The following TUB variants were observed in gnomAD, a reference collection of about 807,000 sequenced individuals.
The protein encoded by TUB is tubby protein homolog.
In TUB, 33 loss-of-function variants were observed where a neutral mutation model predicts 59.7. The ratio of observed to expected loss-of-function variants is 0.55; its 90% CI spans 0.42 to 0.74. The LOEUF (loss-of-function observed/expected upper bound fraction) is 0.74, where lower values mean the gene tolerates loss of function less well. Among genes scored for constraint, TUB ranks in the 30% least tolerant of loss-of-function variants. The probability of loss-of-function intolerance (pLI) is 0.00; values close to 1 mark genes in which losing one functional copy is unlikely to be tolerated. For missense variants in TUB, 659 were observed against 672.0 expected (o/e 0.98, Z 0.21); for synonymous variants, 293 against 256.4 (o/e 1.14, Z -1.36).
chr11:8,090,191 G>A lies in TUB; in HGVS notation c.213G>A (p.Val71=). ...ARQSEEQAPL[V]ESYLSSSGST... is the part of the protein sequence containing the mutation. ...AGTCAGAGGAACAAGCCCCCCTGGT[G>A]GAGTCCTACCTCAGCAGCAGTGGCA... Residue 71 remains valine, a synonymous_variant, in exon 3 of 12, where the codon GTG becomes GTA. Coordinates refer to ENST00000299506, the MANE Select transcript of TUB (RefSeq NM_177972.3). 6.2e-7 allele frequency: 1 copy of A among 1,613,818 alleles called. No homozygotes were observed. The highest frequency in any genetic ancestry group is 8.5e-7 in the Non-Finnish European group (1 of 1,179,984).
At chr11:8,071,407 C>A (rs1487866023) in intron 2 of TUB, among the ~76,000 whole-genome samples, 1 of 152,054 alleles carries the variant, frequency 6.6e-6, no homozygotes, top group Non-Finnish European at 1.5e-5. Flanking sequence ...TAATCCAACC[C>A]CCTCATCTTA....
chr11:8,100,441 C>T (rs1035843730), intron 9 of TUB, 62 bp from the exon 10 acceptor site: 7 of 1,330,294 alleles, frequency 5.3e-6, no homozygotes, highest in South Asian at 1.2e-5. Context: ...TCCCGTCCCC[C>T]CCACCTTCTC....
intron 1 of TUB, among the ~76,000 whole-genome samples, chr11:8,025,632 T>C (rs1424683792): frequency 3.3e-5 from 5 of 152,242 alleles, no homozygotes; most frequent in Non-Finnish European, 7.3e-5. Flanking sequence ...TGTGATATTC[T>C]TCAATACTGT....
chr11:8,066,740 T>C (rs184797406), intron 2 of TUB, among the ~76,000 whole-genome samples: 2 of 152,254 alleles, frequency 1.3e-5, no homozygotes, highest in East Asian at 3.9e-4. Context: ...AGAGGTGTAA[T>C]AACTGCGGGT....
upstream of TUB, among the ~76,000 whole-genome samples, chr11:8,034,414 C>A (rs1942618442): frequency 6.6e-6 from 1 of 152,116 alleles, no homozygotes; most frequent in Admixed American, 6.5e-5. Flanking sequence ...ATTGTGTTGG[C>A]AGAGTCCAGG....
intron 10 of TUB, 111 bp from the exon 11 acceptor site, chr11:8,100,715 C>A: frequency 6.5e-7 from 1 of 1,544,582 alleles, no homozygotes; most frequent in Non-Finnish European, 8.9e-7. Flanking sequence ...TGTGAGAAAG[C>A]CCTGGAGGTC....
At position 8,102,027 on chromosome 11, in the gene TUB, C is replaced by T. The variant is rs1246995155; in HGVS notation, c.*408C>T. 5.0e-6 allele frequency: 1 copy of T among 201,804 alleles called. No individual in the cohort carries two copies. Among genetic ancestry groups the T allele is most frequent in the East Asian group, 1.2e-4 (1 of 8,108 alleles). 12.5% of individuals were successfully genotyped at this position (201,804 alleles called of 1,614,324 possible). ...TCCGCTCAGCCAAGGAGTCAGATGG[C>T]AATGGGTACTCCAGCAGGTAGGGGC... On this transcript the variant is annotated 3_prime_UTR_variant, in exon 12 of 12. Transcript: ENST00000299506.
In TUB at chr11:8,070,318, CTTCTT is replaced by C. The variant is rs369935911; in HGVS notation, c.204-19290_204-19286del. ...ATAAATCTCAGTTGCATTTTATAAT[CTTCTT>C]TATATGAATCACAAATCAGTCTCAT... On this transcript the variant is annotated intron_variant, in intron 2 of 12. Coordinates refer to the TUB transcript ENST00000305253. Among the ~76,000 whole-genome samples the C allele has an allele frequency of 8.8e-3, 1,334 of 152,226 alleles. 25 individuals carry two copies. Among genetic ancestry groups the C allele is most frequent in the African/African-American group, 0.03 (1,242 of 41,524 alleles).
At chr11:8,042,215 T>C (rs1371024458) in intron 2 of TUB, among the ~76,000 whole-genome samples, 1 of 152,148 alleles carries the variant, frequency 6.6e-6, no homozygotes, top group Admixed American at 6.5e-5. Flanking sequence ...TTCATGTAAA[T>C]GGAATCACAT....
At position 8,095,624 on chromosome 11, in the gene TUB, G is replaced by A. The variant is rs756044431; in HGVS notation, c.524G>A (p.Arg175Gln). The change falls in exon 5 of 12, where the codon CGG becomes CAG. Residue 175 changes from arginine (R) to glutamine (Q), a missense_variant. Coordinates refer to ENST00000299506, the MANE Select transcript of TUB (RefSeq NM_177972.3). Reference protein sequence around the residue: ...AGETAAGGGERPSGQDLRATM... With the variant: ...AGETAAGGGEQPSGQDLRATM... ...GAGACGGCAGCTGGTGGGGGCGAAC[G>A]GCCCAGCGGGCAGGATCTCCGTGCC... 1.7e-5 allele frequency: 28 copies of A among 1,609,792 alleles called. No individual in the cohort carries two copies. Among genetic ancestry groups the A allele is most frequent in the Middle Eastern group, 3.3e-4 (2 of 6,074 alleles).
intron 2 of TUB, among the ~76,000 whole-genome samples, chr11:8,046,502 C>A (rs1207556660): frequency 6.6e-6 from 1 of 152,204 alleles, no homozygotes; most frequent in Non-Finnish European, 1.5e-5. Context: ...AACCCAGCCC[C>A]AAATCTTAAA....
intron 2 of TUB, among the ~76,000 whole-genome samples, chr11:8,071,521 C>A (rs965676732): frequency 1.3e-5 from 2 of 152,054 alleles, no homozygotes; most frequent in Non-Finnish European, 2.9e-5. Flanking sequence ...ACATCCAAGA[C>A]ACTAATGGTG....
intron 2 of TUB, among the ~76,000 whole-genome samples, chr11:8,058,194 A>T (rs1367144835): frequency 6.6e-6 from 1 of 150,432 alleles, no homozygotes; most frequent in Non-Finnish European, 1.5e-5. Context: ...CCTGGGCTAC[A>T]GAGCAAGATC....
At chr11:8,072,298 GA>G (rs1235675558) in intron 2 of TUB, among the ~76,000 whole-genome samples, 6 of 152,138 alleles carry the variant, frequency 3.9e-5, no homozygotes, top group African/African-American at 1.2e-4. Flanking sequence ...TGCAGAGGGG[GA>G]AGGGACCCTC....
intron 2 of TUB, among the ~76,000 whole-genome samples, chr11:8,048,465 G>A (rs945235658): frequency 1.3e-5 from 2 of 151,768 alleles, no homozygotes; most frequent in South Asian, 2.1e-4. Flanking sequence ...ATGGTGATGC[G>A]ATCATGGCTC....
chr11:8,030,295 G>T (rs1942551992), intron 1 of TUB, among the ~76,000 whole-genome samples: 1 of 152,184 alleles, frequency 6.6e-6, no homozygotes, highest in African/African-American at 2.4e-5. Context: ...CCTACAGTCT[G>T]GAGAACAGTT....
chr11:8,097,327 A>T lies in TUB; in HGVS notation c.787A>T (p.Ile263Phe). The T allele has an allele frequency of 6.2e-7, 1 of 1,614,178 alleles. No individual in the cohort carries two copies. Among genetic ancestry groups the T allele is most frequent in the Non-Finnish European group, 8.5e-7 (1 of 1,180,032 alleles). ...TGCACTGAGGCCGGCCCCCCAGGGT[A>T]TCACCATCAAATGCCGCATCACTCG... is the stretch of plus-strand genomic sequence containing the variant. Reference protein sequence around the residue: ...EFALRPAPQGITIKCRITRDK... With the variant: ...EFALRPAPQGFTIKCRITRDK... The change falls in exon 7 of 12, where the codon ATC becomes TTC. Residue 263 changes from isoleucine (I) to phenylalanine (F), a missense_variant. Transcript: ENST00000299506.
At chr11:8,062,937 C>T (rs926965985) in intron 2 of TUB, among the ~76,000 whole-genome samples, 40 of 152,152 alleles carry the variant, frequency 2.6e-4, no homozygotes, top group African/African-American at 9.4e-4. Flanking sequence ...GAAGGAGAGG[C>T]CGACATACTC....
rs1237141063 is a variant in TUB, at chr11:8,095,129, T to C, written c.398-369T>C. Among the ~76,000 whole-genome samples, 3 of 152,260 alleles carry C rather than the reference T, an allele frequency of 2.0e-5. No homozygotes were observed. In the East Asian group the frequency reaches 5.8e-4, roughly 29 times the overall value. On this transcript the variant is annotated intron_variant, in intron 4 of 11. Coordinates refer to ENST00000299506, the MANE Select transcript of TUB (RefSeq NM_177972.3). ...AACACCAGCATTGATGGCTTGTAGC[T>C]GGTCGTGTCCATGAATGATTGCTGG...
Sources: allele counts gnomAD v4.1 joint callset (sites outside exome capture counted in the v4.1 genomes callset), GRCh38; gene constraint gnomAD v4.1.1; transcripts MANE v1.5; gene names NCBI Gene and HGNC (gene_info 2026-07-23, HGNC 2026-07-21).